L3MBTL3: variants seen among roughly 807,000 people sequenced by gnomAD.
L3MBTL3 encodes the protein lethal(3)malignant brain tumor-like protein 3.
In L3MBTL3, 27 loss-of-function variants were observed where a neutral mutation model predicts 102.3. The ratio of observed to expected loss-of-function variants is 0.26; its 90% confidence interval spans 0.19 to 0.36. The LOEUF (loss-of-function observed/expected upper bound fraction) is 0.36. Ranked by LOEUF, L3MBTL3 falls within the 10% of genes least tolerant of loss-of-function variation. The pLI is 1.00. For missense variants in L3MBTL3, 798 were observed against 955.3 expected (o/e 0.84, Z 2.17); for synonymous variants, 340 against 320.9 (o/e 1.06, Z -0.64).
intron 14 of L3MBTL3, 104 bp from the exon 15 acceptor site, chr6:130,083,516 C>A: frequency 1.8e-6 from 1 of 557,976 alleles, no homozygotes; most frequent in Non-Finnish European, 3.2e-6. Context: ...TATATATGAA[C>A]ATAATTTTCT....
intron 20 of L3MBTL3, among the ~76,000 whole-genome samples, chr6:130,130,455 C>A (rs1269987291): frequency 6.6e-6 from 1 of 152,078 alleles, no homozygotes; most frequent in East Asian, 1.9e-4. Flanking sequence ...GAAATCTTAC[C>A]ATTTCATATA....
intron 2 of L3MBTL3, among the ~76,000 whole-genome samples, chr6:130,027,384 T>C (rs141344195): frequency 8.5e-5 from 13 of 152,324 alleles, no homozygotes; most frequent in African/African-American, 3.1e-4. Flanking sequence ...GTATGATTGC[T>C]TAGGTACCAA....
intron 10 of L3MBTL3, among the ~76,000 whole-genome samples, chr6:130,060,530 A>G (rs955385379): frequency 2.6e-5 from 4 of 152,102 alleles, no homozygotes; most frequent in African/African-American, 9.7e-5. Flanking sequence ...AAAATGACCA[A>G]GCCAAATATA....
chr6:130,131,421 A>G (rs1488937714), intron 20 of L3MBTL3, among the ~76,000 whole-genome samples: 1 of 152,236 alleles, frequency 6.6e-6, no homozygotes, highest in Admixed American at 6.5e-5. Context: ...GAAAGCTGAC[A>G]GGATTTACCA....
chr6:130,062,483 A>T (rs1781957908), intron 10 of L3MBTL3, among the ~76,000 whole-genome samples: 1 of 150,644 alleles, frequency 6.6e-6, no homozygotes, highest in Non-Finnish European at 1.5e-5. Context: ...CCTTCTGGGC[A>T]CAAGAGGTCC....
chr6:130,019,811 A>C (rs1778826430), intron 1 of L3MBTL3, among the ~76,000 whole-genome samples: 1 of 149,346 alleles, frequency 6.7e-6, no homozygotes, highest in Admixed American at 6.6e-5. Flanking sequence ...CGAGGCAGGA[A>C]AGTGCTTTGG....
chr6:130,061,793 G>C (rs995615646), intron 10 of L3MBTL3, among the ~76,000 whole-genome samples: 1 of 152,196 alleles, frequency 6.6e-6, no homozygotes, highest in Non-Finnish European at 1.5e-5. Context: ...CATCATCTAA[G>C]AGGTGGGTGC....
intron 3 of L3MBTL3, among the ~76,000 whole-genome samples, chr6:130,046,148 T>C (rs981562638): frequency 5.9e-5 from 9 of 152,160 alleles, no homozygotes; most frequent in Non-Finnish European, 1.3e-4. Context: ...TGGGTCATAA[T>C]GTCTTTCGGA....
intron 19 of L3MBTL3, among the ~76,000 whole-genome samples, chr6:130,105,368 A>G (rs957283510): frequency 1.3e-5 from 2 of 152,200 alleles, no homozygotes; most frequent in Admixed American, 1.3e-4. Flanking sequence ...TTTTCTTTAT[A>G]GAGAAGCAGT....
chr6:130,090,343 T>A (rs981190860), intron 16 of L3MBTL3, among the ~76,000 whole-genome samples: 1 of 152,150 alleles, frequency 6.6e-6, no homozygotes, highest in Non-Finnish European at 1.5e-5. Context: ...GATTATCAAG[T>A]CAAAATTAAT....
intron 10 of L3MBTL3, among the ~76,000 whole-genome samples, chr6:130,063,772 A>T (rs1782062272): frequency 6.6e-6 from 1 of 152,186 alleles, no homozygotes; most frequent in Non-Finnish European, 1.5e-5. Flanking sequence ...ACACCTCAGC[A>T]CTATGTCAGG....
intron 13 of L3MBTL3, among the ~76,000 whole-genome samples, chr6:130,077,471 A>G (rs905672498): frequency 1.9e-4 from 29 of 152,224 alleles, no homozygotes; most frequent in African/African-American, 6.5e-4. Context: ...AACTGAATAA[A>G]GGAAGAAGCC....
At chr6:130,066,636 A>G in intron 11 of L3MBTL3, 148 bp downstream of exon 11, 1 of 634,804 alleles carries the variant, frequency 1.6e-6, no homozygotes, top group South Asian at 2.3e-5. Flanking sequence ...CATGTTTATT[A>G]AAGTTAAAGA....
chr6:130,035,014 A>G (rs1779964949), intron 2 of L3MBTL3, among the ~76,000 whole-genome samples: 1 of 152,216 alleles, frequency 6.6e-6, no homozygotes, highest in African/African-American at 2.4e-5. Context: ...CTTTGTGGAA[A>G]TGGATTTTCC....
Position 130,049,357 on chromosome 6 carries a change from G to C in L3MBTL3, c.178G>C (p.Ala60Pro). Residue 60 changes from alanine (A) to proline (P), a missense_variant, in exon 4 of 23, where the codon GCT becomes CCT. By Grantham distance (27) the Ala-to-Pro change is conservative. Coordinates refer to ENST00000361794, the MANE Select transcript of L3MBTL3 (RefSeq NM_032438.4). ...GATGGAAAATGTTAAAAAAGCAACT[G>C]CTACCACCACTTGGATGGTACCAAC... ...NEMENVKKAT[A>P]TTTWMVPTAQ... is the part of the protein sequence containing the mutation. 6.2e-7 allele frequency: 1 copy of C among 1,612,460 alleles called. No homozygotes were observed. The highest frequency in any genetic ancestry group is 8.5e-7 in the Non-Finnish European group (1 of 1,178,580).
rs575576548 is a variant in L3MBTL3, at chr6:130,140,554, C to T, written c.*801C>T. ...TTGGTGCCCCGGTGTTTACAAGAGC[C>T]AGATGGTGTCAGAGGAGTACGCAGT... On this transcript the variant is annotated 3_prime_UTR_variant, in exon 23 of 23. Transcript: ENST00000361794. The T allele has an allele frequency of 6.6e-6, 1 of 152,230 alleles. No individual in the cohort carries two copies. The highest frequency in any genetic ancestry group is 2.4e-5 in the African/African-American group (1 of 41,498). 9.4% of individuals were successfully genotyped at this position (152,230 alleles called of 1,614,324 possible).
In L3MBTL3 at chr6:130,049,968, C is replaced by A. The variant is rs1780990098; in HGVS notation, c.289+138C>A. The A allele has an allele frequency of 4.6e-6, 5 of 1,081,632 alleles. No individual in the cohort carries two copies. The African/African-American group carries it at 6.4e-5, about 14-fold the overall frequency. The allele number at this position is 1,081,632 out of a possible 1,614,324, so 67.0% of individuals were successfully genotyped here. ...CCACCCAGTGGACAAGCAAGAAACA[C>A]AGGAGTCATCCTGAATTTGTTCTTC... On this transcript the variant is annotated intron_variant, in intron 5 of 22. Coordinates refer to ENST00000361794, the MANE Select transcript of L3MBTL3 (RefSeq NM_032438.4).
chr6:130,059,183 G>GC (rs1028021155), intron 9 of L3MBTL3, among the ~76,000 whole-genome samples: 37 of 152,008 alleles, frequency 2.4e-4, no homozygotes, highest in African/African-American at 8.2e-4. Context: ...TTATAGCCCT[G>GC]CCCCCCCAGG....
rs776070232 is a variant in L3MBTL3, at chr6:130,042,725, G to C, written c.26G>C (p.Ser9Thr). 77 of 1,612,952 alleles carry C rather than the reference G, an allele frequency of 4.8e-5. No homozygotes were observed. The highest frequency in any genetic ancestry group is 6.4e-5 in the Non-Finnish European group (76 of 1,179,200). The change falls in exon 3 of 23, where the codon AGT becomes ACT. Residue 9 changes from serine (S) to threonine (T), a missense_variant. By Grantham distance (58) the Ser-to-Thr change is moderately conservative (BLOSUM62 1). This residue lies in a region of L3MBTL3 where 434 missense variants were observed against 506.6 expected (regional missense o/e 0.86). Coordinates refer to ENST00000361794, the MANE Select transcript of L3MBTL3 (RefSeq NM_032438.4). The stretch of plus-strand genomic sequence containing the variant: ...ATGACTGAATCTGCCTCTAGCACAA[G>C]TGGTCAAGAGTTTGATGTGTTCAGT... MTESASST[S>T]GQEFDVFSVM...
Sources: allele counts gnomAD v4.1 joint callset (sites outside exome capture counted in the v4.1 genomes callset), GRCh38; gene constraint gnomAD v4.1.1; regional missense constraint gnomAD v4.1.1; transcripts MANE v1.5; gene names NCBI Gene and HGNC (gene_info 2026-07-23, HGNC 2026-07-21).